DKK2: variants seen among roughly 807,000 people sequenced by gnomAD.
DKK2 encodes the protein dickkopf-related protein 2.
DKK2 carries 11 observed loss-of-function variants against 28.1 expected under a neutral mutation model. That is an observed-to-expected ratio of 0.39 (90% CI 0.25 to 0.65). The LOEUF is 0.65. Among genes scored for constraint, DKK2 ranks in the 30% least tolerant of loss-of-function variants. The probability of loss-of-function intolerance (pLI) is 0.47; values close to 1 mark genes in which losing one functional copy is unlikely to be tolerated. For missense variants in DKK2, 326 were observed against 335.5 expected (o/e 0.97, Z 0.22); for synonymous variants, 135 against 126.5 (o/e 1.07, Z -0.45).
At position 107,035,392 on chromosome 4, in the gene DKK2, T is replaced by C. The variant is rs752198830; in HGVS notation, c.200A>G (p.Lys67Arg). ...TACCTGCCCCAGGTTTTTGCCCTTC[T>C]TACTGCCGCCGAATGCCAGTCCTTG... ...MYQGLAFGGS[K>R]KGKNLGQAYP... The change falls in exon 1 of 4, where the codon AAG (lysine) becomes AGG (arginine). Residue 67 changes from lysine to arginine, a missense_variant. Coordinates refer to ENST00000285311, the MANE Select transcript of DKK2 (RefSeq NM_014421.3). 1.9e-6 allele frequency: 3 copies of C among 1,614,094 alleles called. No homozygotes were observed. The East Asian group carries it at 6.7e-5, about 36-fold the overall frequency.
chr4:106,927,561 A>G (rs563568844), intron 1 of DKK2, among the ~76,000 whole-genome samples: 16 of 152,318 alleles, frequency 1.1e-4, no homozygotes, highest in African/African-American at 3.1e-4. Flanking sequence ...ACAAAGCTAT[A>G]AAATAAATTT....
At chr4:106,947,786 CCT>C (rs1560577725) in intron 1 of DKK2, among the ~76,000 whole-genome samples, 1 of 151,598 alleles carries the variant, frequency 6.6e-6, no homozygotes, top group Non-Finnish European at 1.5e-5. Context: ...GCAATCCTCC[CCT>C]CTCAGTCTCA....
At chr4:106,993,099 G>A (rs987751915) in intron 1 of DKK2, among the ~76,000 whole-genome samples, 4 of 152,188 alleles carry the variant, frequency 2.6e-5, no homozygotes, top group African/African-American at 9.7e-5. Context: ...TCAAAGCCTG[G>A]CTAAACTGGC....
chr4:107,007,216 G>A (rs1415949306), intron 1 of DKK2, among the ~76,000 whole-genome samples: 1 of 152,042 alleles, frequency 6.6e-6, no homozygotes, highest in Non-Finnish European at 1.5e-5. Flanking sequence ...CTTGTAAACT[G>A]ATGCTTCTAC....
chr4:107,007,923 T>C (rs1578376424), intron 1 of DKK2, among the ~76,000 whole-genome samples: 1 of 152,154 alleles, frequency 6.6e-6, no homozygotes, highest in Non-Finnish European at 1.5e-5. Flanking sequence ...ACAGGCTTGG[T>C]GATTTCTTTG....
At chr4:106,985,787 G>A (rs1219181105) in intron 1 of DKK2, among the ~76,000 whole-genome samples, 3 of 146,058 alleles carry the variant, frequency 2.1e-5, no homozygotes, top group Admixed American at 7.1e-5. Flanking sequence ...TTGTTCTCCA[G>A]CTTGGATGAC....
rs374567914 is a variant in DKK2, at chr4:106,940,025, A to T, written c.223-14076T>A. On this transcript the variant is annotated intron_variant, in intron 1 of 3. Transcript: ENST00000285311. ...AAAACCCTAGAAGAAAACCTAGGCA[A>T]TACCATTCAGGACATAGGCATGGGC... is the stretch of plus-strand genomic sequence containing the variant. Among the ~76,000 whole-genome samples the T allele has an allele frequency of 1.7e-4, 26 of 152,238 alleles. No homozygotes were observed. In the East Asian group the frequency reaches 1.7e-3, roughly 10 times the overall value.
intron 1 of DKK2, among the ~76,000 whole-genome samples, chr4:106,971,129 A>G (rs960865425): frequency 3.9e-5 from 6 of 152,086 alleles, no homozygotes; most frequent in South Asian, 2.1e-4. Context: ...GGGTAAACAT[A>G]TAGACAATGT....
chr4:107,025,273 C>T (rs1028305245), intron 1 of DKK2, among the ~76,000 whole-genome samples: 2 of 151,956 alleles, frequency 1.3e-5, no homozygotes, highest in Admixed American at 6.6e-5. Context: ...AGGGAAGGGC[C>T]GTAGTCTAAT....
At chr4:107,007,832 G>C (rs921892449) in intron 1 of DKK2, among the ~76,000 whole-genome samples, 2 of 152,144 alleles carry the variant, frequency 1.3e-5, no homozygotes, top group Non-Finnish European at 2.9e-5. Context: ...AAAGTCATAA[G>C]TGTATATACA....
intron 1 of DKK2, 42 bp from the exon 2 acceptor site, chr4:106,925,991 C>A (rs556870686): frequency 2.6e-6 from 4 of 1,548,436 alleles, no homozygotes; most frequent in South Asian, 2.4e-5. Context: ...AGGATTAGAT[C>A]GTGTTTCACT....
At chr4:106,961,565 G>GCACACA (rs34597899) in intron 1 of DKK2, among the ~76,000 whole-genome samples, 64 of 136,300 alleles carry the variant, frequency 4.7e-4, no homozygotes, top group African/African-American at 1.2e-3. Flanking sequence ...CCAACAGCCT[G>GCACACA]CACACACACA....
intron 1 of DKK2, among the ~76,000 whole-genome samples, 181 bp from the exon 2 acceptor site, chr4:106,926,130 A>G (rs1303390260): frequency 6.6e-6 from 1 of 152,208 alleles, no homozygotes; most frequent in African/African-American, 2.4e-5. Flanking sequence ...TGAGGACCTT[A>G]TAAATATCTA....
chr4:106,985,208 CAA>C (rs569150141), intron 1 of DKK2, among the ~76,000 whole-genome samples: 254 of 49,338 alleles, frequency 5.1e-3, no homozygotes, highest in African/African-American at 0.013. Flanking sequence ...TACTCCATCT[CAA>C]AAAAAAAAAA....
At chr4:106,933,811 G>C (rs1724536449) in intron 1 of DKK2, among the ~76,000 whole-genome samples, 1 of 152,036 alleles carries the variant, frequency 6.6e-6, no homozygotes, top group South Asian at 2.1e-4. Flanking sequence ...TTGTTGTTTA[G>C]AAAATACTTT....
At chr4:106,993,243 C>A (rs777186843) in intron 1 of DKK2, among the ~76,000 whole-genome samples, 1 of 152,174 alleles carries the variant, frequency 6.6e-6, no homozygotes. Flanking sequence ...GCCTGTAAAT[C>A]TGTAAAATTT....
chr4:106,984,820 G>T (rs1309658759), intron 1 of DKK2, among the ~76,000 whole-genome samples: 2 of 152,144 alleles, frequency 1.3e-5, no homozygotes, highest in Non-Finnish European at 2.9e-5. Flanking sequence ...GCATACTATG[G>T]AATCCTACTT....
rs1027987039 is a variant in DKK2, at chr4:106,960,112, T to A, written c.223-34163A>T. On this transcript the variant is annotated intron_variant, in intron 1 of 3. Coordinates refer to ENST00000285311, the MANE Select transcript of DKK2 (RefSeq NM_014421.3). Reference sequence around the variant, plus strand: ...CATCAGCTGATGTGCAGAGAAAAAATGTTATATATATATATATATACACAC... The same window carrying A: ...CATCAGCTGATGTGCAGAGAAAAAAAGTTATATATATATATATATACACAC... Among the ~76,000 whole-genome samples, 10 of 124,684 alleles carry A rather than the reference T, an allele frequency of 8.0e-5. No homozygotes were observed. The East Asian group carries it at 9.0e-4, about 11-fold the overall frequency. 81.8% of individuals were successfully genotyped at this position (124,684 alleles called of 152,430 possible). A position where few individuals can be genotyped will look rare whatever the true frequency, so the allele number is the denominator to read the frequency against.
At chr4:107,011,323 T>C (rs1018970799) in intron 1 of DKK2, among the ~76,000 whole-genome samples, 5 of 151,530 alleles carry the variant, frequency 3.3e-5, no homozygotes. Context: ...GTTCATAGAA[T>C]TCTGCGGACC....
Sources: allele counts gnomAD v4.1 joint callset (sites outside exome capture counted in the v4.1 genomes callset), GRCh38; gene constraint gnomAD v4.1.1; transcripts MANE v1.5; gene names NCBI Gene and HGNC (gene_info 2026-07-23, HGNC 2026-07-21).